FMO1: variants seen among roughly 807,000 people sequenced by gnomAD.
FMO1 encodes the protein flavin containing dimethylaniline monoxygenase 1, also known as flavin-containing monooxygenase 1.
FMO1 carries 36 observed loss-of-function variants against 45.4 expected under a neutral mutation model. That is an observed-to-expected ratio of 0.79 (90% CI 0.61 to 1.05). The LOEUF (loss-of-function observed/expected upper bound fraction) is 1.05, where lower values mean the gene tolerates loss of function less well. FMO1 is among the 50% of genes least tolerant of loss of function. The pLI is 0.00. For synonymous variants in FMO1, 228 were observed against 227.2 expected (o/e 1.00, Z -0.03); for missense variants, 615 against 640.3 (o/e 0.96, Z 0.43).
chr1:171,249,266 C>A (rs1659770975), intron 1 of FMO1, among the ~76,000 whole-genome samples: 1 of 152,242 alleles, frequency 6.6e-6, no homozygotes, highest in Middle Eastern at 3.4e-3. Flanking sequence ...GTTTGAAAAT[C>A]ATTTTTAGAT....
intron 4 of FMO1, among the ~76,000 whole-genome samples, chr1:171,278,298 T>C (rs1177429130): frequency 6.6e-6 from 1 of 152,190 alleles, no homozygotes; most frequent in Non-Finnish European, 1.5e-5. Context: ...AAAGCAGAGA[T>C]CAAAAAGTTT....
At chr1:171,278,356 G>A (rs952374743) in intron 4 of FMO1, among the ~76,000 whole-genome samples, 1 of 152,210 alleles carries the variant, frequency 6.6e-6, no homozygotes, top group Non-Finnish European at 1.5e-5. Flanking sequence ...TCTTGCTTAT[G>A]AAAAGCTTAT....
At chr1:171,281,068 A>G in intron 6 of FMO1, 83 bp downstream of exon 6, 2 of 1,086,608 alleles carry the variant, frequency 1.8e-6, no homozygotes, top group South Asian at 2.7e-5. Context: ...AGGCAGTACC[A>G]CAGCAACATG....
Position 171,263,979 on chromosome 1 carries a change from A to G in FMO1, c.133-3564A>G, listed in dbSNP as rs28360372. Among the ~76,000 whole-genome samples, 7 of 152,308 alleles carry G rather than the reference A, an allele frequency of 4.6e-5. No homozygotes were observed. In the East Asian group the frequency reaches 1.2e-3, roughly 25 times the overall value. ...CAGACCTTTTCTATTTCCAGGAGAA[A>G]CAATCAATAGAAGGAAAGAGAGACA... is the stretch of plus-strand genomic sequence containing the variant. On this transcript the variant is annotated intron_variant, in intron 2 of 8. Transcript: ENST00000617670.
rs552954386 is a variant in FMO1 at position 171,251,681 on chromosome 1, G to T, written c.-7+3058G>T. 9.3e-5 allele frequency: 14 copies of T among 149,746 alleles called. No homozygotes were observed. The South Asian group carries it at 3.1e-3, about 33-fold the overall frequency. 9.3% of individuals were successfully genotyped at this position (149,746 alleles called of 1,614,324 possible). On this transcript the variant is annotated intron_variant, in intron 1 of 8. Coordinates refer to ENST00000617670, the MANE Select transcript of FMO1 (RefSeq NM_001282693.2). ...CTTGCAGACCCCTGACCCAATGACC[G>T]GTGAATAAAGTACGCTGACACACAG...
chr1:171,261,857 T>C (rs953479448), intron 2 of FMO1, among the ~76,000 whole-genome samples: 22 of 152,098 alleles, frequency 1.4e-4, no homozygotes, highest in African/African-American at 5.3e-4. Flanking sequence ...GGAGTTACAA[T>C]GAAAAAGAAA....
chr1:171,254,901 G>A (rs1660085793), intron 1 of FMO1, among the ~76,000 whole-genome samples: 1 of 152,182 alleles, frequency 6.6e-6, no homozygotes, highest in South Asian at 2.1e-4. Flanking sequence ...ACATACTTCT[G>A]TCTTAGCATC....
At chr1:171,260,321 A>T (rs1660322909) in intron 2 of FMO1, among the ~76,000 whole-genome samples, 1 of 152,172 alleles carries the variant, frequency 6.6e-6, no homozygotes, top group African/African-American at 2.4e-5. Context: ...TTGTAGGCAA[A>T]TAGAAACTAT....
Position 171,285,209 on chromosome 1 carries a change from T to C in FMO1, c.1264T>C (p.Leu422=), listed in dbSNP as rs752259167. The C allele has an allele frequency of 6.3e-7, 1 of 1,593,924 alleles. No homozygotes were observed. The highest frequency in any genetic ancestry group is 1.1e-5 in the South Asian group (1 of 87,750). ...AATCTTCCTTTTATAAAGGTTTGGCTTGTGCTACTGCAAGGCTTTACAATC... is the reference window on the plus strand; with the variant it reads ...AATCTTCCTTTTATAAAGGTTTGGCCTGTGCTACTGCAAGGCTTTACAATC... ...RKENKPSWFG[L]CYCKALQSDY... is the part of the protein sequence containing the mutation. The change falls in exon 9 of 9, where the codon TTG becomes CTG. Residue 422 remains leucine, a synonymous_variant. Transcript: ENST00000617670.
At position 171,248,501 on chromosome 1, in the gene FMO1, G is replaced by T. The variant is rs1331824713; in HGVS notation, c.-129G>T. On this transcript the variant is annotated 5_prime_UTR_variant, in exon 1 of 9. Transcript: ENST00000617670. ...TAACATTCCTTATCTCTTAGACCAG[G>T]TTTATCCACTGTGCTGGGGACTCCC... is the stretch of plus-strand genomic sequence containing the variant. 6.6e-6 allele frequency: 1 copy of T among 152,136 alleles called. No individual in the cohort carries two copies. Among genetic ancestry groups the T allele is most frequent in the South Asian group, 2.1e-4 (1 of 4,820 alleles). The allele number at this position is 152,136 out of a possible 1,614,324, so 9.4% of individuals were successfully genotyped here. A position where few individuals can be genotyped will look rare whatever the true frequency, so the allele number is the denominator to read the frequency against.
At chr1:171,271,893 A>T (rs929306100) in intron 3 of FMO1, among the ~76,000 whole-genome samples, 4 of 152,244 alleles carry the variant, frequency 2.6e-5, no homozygotes, top group African/African-American at 9.6e-5. Context: ...AGAAAATCTT[A>T]TTTTCTGGAG....
intron 2 of FMO1, among the ~76,000 whole-genome samples, chr1:171,265,342 G>A (rs893729655): frequency 1.3e-5 from 2 of 150,838 alleles, no homozygotes; most frequent in Admixed American, 6.6e-5. Context: ...AGTGAGCAGA[G>A]ATTAAGCCAC....
At chr1:171,279,326 A>G (rs546948924) in intron 5 of FMO1, among the ~76,000 whole-genome samples, 1 of 152,270 alleles carries the variant, frequency 6.6e-6, no homozygotes, top group Non-Finnish European at 1.5e-5. Context: ...AATATTTATT[A>G]GGATTATTCT....
At chr1:171,267,045 A>G (rs1169380492) in intron 2 of FMO1, among the ~76,000 whole-genome samples, 2 of 152,172 alleles carry the variant, frequency 1.3e-5, no homozygotes, top group East Asian at 1.9e-4. Context: ...GTTCTACCTT[A>G]CCGCCATCTC....
chr1:171,274,713 C>A (rs1052478256), intron 3 of FMO1, among the ~76,000 whole-genome samples: 2 of 152,100 alleles, frequency 1.3e-5, no homozygotes, highest in Non-Finnish European at 2.9e-5. Flanking sequence ...ATAATTTATC[C>A]TTTTAAATTT....
At chr1:171,260,359 TA>T (rs1449906660) in intron 2 of FMO1, among the ~76,000 whole-genome samples, 1 of 152,072 alleles carries the variant, frequency 6.6e-6, no homozygotes, top group African/African-American at 2.4e-5. Flanking sequence ...ACTGAGCACA[TA>T]AATCCAAATT....
chr1:171,252,626 A>C (rs1482612254), intron 1 of FMO1, among the ~76,000 whole-genome samples: 1 of 152,080 alleles, frequency 6.6e-6, no homozygotes, highest in African/African-American at 2.4e-5. Flanking sequence ...CCTTGTTTCT[A>C]CAAGTACGCT....
intron 5 of FMO1, among the ~76,000 whole-genome samples, chr1:171,279,444 C>T (rs1312090925): frequency 6.6e-6 from 1 of 152,132 alleles, no homozygotes; most frequent in Non-Finnish European, 1.5e-5. Flanking sequence ...CATGAGGAAA[C>T]CAAGGCTTAG....
chr1:171,276,870 A>C (rs1275134068), intron 4 of FMO1, among the ~76,000 whole-genome samples: 1 of 152,200 alleles, frequency 6.6e-6, no homozygotes, highest in Non-Finnish European at 1.5e-5. Context: ...CAGTTTGAGT[A>C]GAAGAGGTAG....
Sources: gnomAD v4.1 joint callset for allele counts (sites outside exome capture counted in the v4.1 genomes callset) on GRCh38, gnomAD v4.1.1 for gene constraint, MANE v1.5 for transcripts, NCBI Gene and HGNC (gene_info 2026-07-23, HGNC 2026-07-21) for gene names.